The following INTS12 variants were observed in gnomAD, a reference collection of about 807,000 sequenced individuals.
INTS12 encodes the protein integrator complex subunit 12, also known as PHD finger protein 22.
In INTS12, 13 loss-of-function variants were observed where a neutral mutation model predicts 41.6. The observed-to-expected ratio is 0.31, with a 90% CI of 0.20 to 0.50. The LOEUF (loss-of-function observed/expected upper bound fraction) is 0.50, where lower values mean the gene tolerates loss of function less well. Among genes scored for constraint, INTS12 ranks in the 20% least tolerant of loss-of-function variants. INTS12 has a pLI of 0.98. For missense variants in INTS12, 432 were observed against 541.6 expected (o/e 0.80, Z 2.01); for synonymous variants, 199 against 191.4 (o/e 1.04, Z -0.33).
intron 1 of INTS12, 198 bp downstream of exon 1, chr4:105,708,440 C>A: frequency 1.0e-6 from 1 of 985,460 alleles, no homozygotes; most frequent in South Asian, 4.7e-5. Flanking sequence ...TCCCGGCCCG[C>A]AACTCCCTCG....
intron 4 of INTS12, among the ~76,000 whole-genome samples, chr4:105,694,588 C>T (rs1731796763): frequency 6.6e-6 from 1 of 152,166 alleles, no homozygotes; most frequent in Admixed American, 6.5e-5. Flanking sequence ...GCCTTGACCT[C>T]CCAAAGTGCT....
chr4:105,708,613 A>C, intron 1 of INTS12, 25 bp downstream of exon 1: 1 of 984,760 alleles, frequency 1.0e-6, no homozygotes, highest in Non-Finnish European at 1.2e-6. Context: ...GGAGGCCAGG[A>C]GCAGAGTCGC....
At chr4:105,701,943 C>T (rs933140970) in intron 2 of INTS12, among the ~76,000 whole-genome samples, 13 of 152,130 alleles carry the variant, frequency 8.5e-5, no homozygotes, top group African/African-American at 2.9e-4. Context: ...TACAAGACTG[C>T]GGAAGTCATC....
intron 1 of INTS12, chr4:105,708,072 C>G: frequency 1.0e-6 from 1 of 985,452 alleles, no homozygotes; most frequent in Non-Finnish European, 1.2e-6. Flanking sequence ...CTCTTGCAAC[C>G]CCTTCCAATA....
At chr4:105,687,212 T>C (rs1275672933) in intron 6 of INTS12, 1 of 216,596 alleles carries the variant, frequency 4.6e-6, no homozygotes, top group African/African-American at 2.4e-5. Context: ...CACAAGAGTT[T>C]TCTTCTTGGG....
At position 105,693,395 on chromosome 4, in the gene INTS12, C is replaced by T. The variant is rs1433882183; in HGVS notation, c.401G>A (p.Ser134Asn). 5.0e-6 allele frequency: 8 copies of T among 1,614,022 alleles called. No homozygotes were observed. Among genetic ancestry groups the T allele is most frequent in the Non-Finnish European group, 6.8e-6 (8 of 1,179,916 alleles). ...GTCAGCCATAGGTAAATCCTTGCTA[C>T]TTTGGACAGTAATGGGAGATGACTG... Reference protein sequence around the residue: ...ETQSSPITVQSSKDLPMADLS... With the variant: ...ETQSSPITVQNSKDLPMADLS... Residue 134 changes from serine to asparagine, a missense_variant, in exon 5 of 8, where the codon AGT becomes AAT. By Grantham distance (46) the Ser-to-Asn change is conservative. Around this residue, in one of 3 missense-constraint regions of INTS12, gnomAD observed 168 missense variants for 198.9 expected, o/e 0.84. Transcript: ENST00000340139.
At chr4:105,706,734 C>T (rs1361495127) in intron 1 of INTS12, among the ~76,000 whole-genome samples, 2 of 152,034 alleles carry the variant, frequency 1.3e-5, no homozygotes, top group African/African-American at 4.8e-5. Context: ...GTCTTTCCTT[C>T]ACTGAGTCTT....
intron 7 of INTS12, among the ~76,000 whole-genome samples, chr4:105,683,795 A>C (rs542015122): frequency 6.6e-6 from 1 of 152,302 alleles, no homozygotes; most frequent in East Asian, 1.9e-4. Context: ...AGATTCAGTC[A>C]ATATTTATTT....
intron 1 of INTS12, chr4:105,705,641 G>A (rs915207040): frequency 2.0e-5 from 3 of 152,068 alleles, no homozygotes; most frequent in African/African-American, 7.2e-5. Flanking sequence ...CACTCTCTCT[G>A]TTATAGCTAT....
chr4:105,704,293 T>C (rs766680941), intron 1 of INTS12, among the ~76,000 whole-genome samples: 8 of 152,220 alleles, frequency 5.3e-5, no homozygotes, highest in Non-Finnish European at 1.2e-4. Context: ...TCTTTGTAGG[T>C]TCCTCCTATC....
chr4:105,704,396 C>T (rs1732191117), intron 1 of INTS12, among the ~76,000 whole-genome samples: 1 of 152,214 alleles, frequency 6.6e-6, no homozygotes, highest in Non-Finnish European at 1.5e-5. Flanking sequence ...GAGTCAGCAG[C>T]ATAGGTATCA....
chr4:105,686,114 G>A (rs1312954351), intron 7 of INTS12, among the ~76,000 whole-genome samples: 1 of 152,100 alleles, frequency 6.6e-6, no homozygotes. Flanking sequence ...CCAGGCTGGA[G>A]TGCAATGGTG....
intron 1 of INTS12, among the ~76,000 whole-genome samples, chr4:105,706,689 G>GTCCTGCTCTT (rs1467392702): frequency 6.6e-6 from 1 of 152,120 alleles, no homozygotes; most frequent in Non-Finnish European, 1.5e-5. Flanking sequence ...TTCAATAAAT[G>GTCCTGCTCTT]ACACAACTTT....
chr4:105,693,477 C>G lies in INTS12; in HGVS notation c.319G>C (p.Asp107His). The G allele has an allele frequency of 6.2e-7, 1 of 1,607,444 alleles. No individual in the cohort carries two copies. The highest frequency in any genetic ancestry group is 8.5e-7 in the Non-Finnish European group (1 of 1,174,838). ...GGAATATCAACTCCTTCAGTGATGT[C>G]TGATTTCATCTATAAAAAGCAGGCA... Reference protein sequence around the residue: ...EKRPADKMKSDITEGVDIPKK... With the variant: ...EKRPADKMKSHITEGVDIPKK... Residue 107 changes from aspartate (D) to histidine (H), a missense_variant, in exon 5 of 8, where the codon GAC becomes CAC. Asp to His is a moderately conservative substitution (Grantham distance 81). Coordinates refer to ENST00000340139, the MANE Select transcript of INTS12 (RefSeq NM_020395.4).
chr4:105,686,935 A>G (rs1008103825), intron 6 of INTS12, 97 bp from the exon 7 acceptor site: 3 of 1,052,044 alleles, frequency 2.9e-6, no homozygotes, highest in Non-Finnish European at 4.3e-6. Context: ...AATGAAATAC[A>G]GTTGAACATT....
chr4:105,690,651 G>C (rs539101023), intron 6 of INTS12, among the ~76,000 whole-genome samples: 1 of 151,916 alleles, frequency 6.6e-6, no homozygotes, highest in Non-Finnish European at 1.5e-5. Flanking sequence ...CCCAGGAAGA[G>C]GGTTAGAACC....
intron 6 of INTS12, among the ~76,000 whole-genome samples, chr4:105,691,235 A>G (rs1731671469): frequency 6.6e-6 from 1 of 152,192 alleles, no homozygotes; most frequent in South Asian, 2.1e-4. Flanking sequence ...AATTTAAGGC[A>G]GGGGAAGAGA....
intron 2 of INTS12, chr4:105,703,047 T>G (rs1481843194): frequency 1.0e-6 from 1 of 983,280 alleles, no homozygotes; most frequent in East Asian, 1.1e-4. Context: ...AATATTTTCC[T>G]GGAGTTACAC....
rs1270261485 is a variant in INTS12, at chr4:105,703,736, C to T, written c.-98G>A. ...CTTCTCTGGTCAACTCACTTCCCCA[C>T]TTTCTGCAAAGATCAGTTATACTTC... On this transcript the variant is annotated 5_prime_UTR_variant, in exon 2 of 8. It adds an upstream start codon to the 5' untranslated region. Transcript: ENST00000340139. The T allele has an allele frequency of 6.6e-6, 1 of 152,206 alleles. No individual in the cohort carries two copies. The highest frequency in any genetic ancestry group is 1.5e-5 in the Non-Finnish European group (1 of 68,046). 9.4% of individuals were successfully genotyped at this position (152,206 alleles called of 1,614,324 possible).
Sources: gnomAD v4.1 joint callset for allele counts (sites outside exome capture counted in the v4.1 genomes callset) on GRCh38, gnomAD v4.1.1 for gene constraint, gnomAD v4.1.1 regional missense constraint, MANE v1.5 for transcripts, NCBI Gene and HGNC (gene_info 2026-07-23, HGNC 2026-07-21) for gene names.